The following SYT1 variants were observed in gnomAD, a reference collection of about 807,000 sequenced individuals.
SYT1 encodes synaptotagmin 1.
Under a neutral mutation model 44.8 loss-of-function variants are expected in SYT1, and 8 were observed. That is an observed-to-expected ratio of 0.18 (90% confidence interval 0.10 to 0.32). The LOEUF is 0.32. SYT1 is among the 10% of genes least tolerant of loss of function. The pLI is 1.00. For missense variants in SYT1, 286 were observed against 509.3 expected (o/e 0.56, Z 4.22); for synonymous variants, 154 against 188.8 (o/e 0.82, Z 1.51).
intron 4 of SYT1, among the ~76,000 whole-genome samples, chr12:79,267,112 A>G (rs1878176967): frequency 6.6e-6 from 1 of 152,182 alleles, no homozygotes; most frequent in Non-Finnish European, 1.5e-5. Context: ...AGGAAAAAAA[A>G]TCCTTCCAAA....
chr12:79,421,284 TAGATGAAACTTCCTCCAA>T (rs1360513420), intron 9 of SYT1, among the ~76,000 whole-genome samples: 1 of 152,180 alleles, frequency 6.6e-6, no homozygotes, highest in Non-Finnish European at 1.5e-5. Flanking sequence ...TCCATTGTGG[TAGATGAAACTTCCTCCAA>T]ATGAGATCTG....
chr12:79,234,001 C>T (rs1292932745), intron 4 of SYT1, among the ~76,000 whole-genome samples: 1 of 152,136 alleles, frequency 6.6e-6, no homozygotes, highest in African/African-American at 2.4e-5. Context: ...ATGTACAAGG[C>T]ACCCCACACA....
intron 1 of SYT1, among the ~76,000 whole-genome samples, chr12:78,876,611 A>ATACACATATGTATATACACACGTG (rs1326592694): frequency 2.2e-5 from 3 of 138,808 alleles, no homozygotes; most frequent in African/African-American, 5.3e-5. Flanking sequence ...ATGTAAATAT[A>ATACACATATGTATATACACACGTG]TACACATATG....
Position 78,963,885 on chromosome 12 carries a change from C to T in SYT1, c.-216-13914C>T, listed in dbSNP as rs1304068323. 3 of 152,102 alleles carry T rather than the reference C, an allele frequency of 2.0e-5. 1 individual carries two copies. The highest frequency in any genetic ancestry group is 4.1e-4 in the South Asian group (2 of 4,824). The allele number at this position is 152,102 out of a possible 1,614,324, so 9.4% of individuals were successfully genotyped here. On this transcript the variant is annotated intron_variant, in intron 1 of 10. Transcript: ENST00000261205. Reference sequence around the variant, plus strand: ...ATTAGCACTCCCATATTCATAGCAGCAGTATTCACAATAGCAAGATGTGGA... The same window carrying T: ...ATTAGCACTCCCATATTCATAGCAGTAGTATTCACAATAGCAAGATGTGGA...
At chr12:78,953,824 A>T (rs1036500051) in intron 1 of SYT1, among the ~76,000 whole-genome samples, 2 of 152,102 alleles carry the variant, frequency 1.3e-5, no homozygotes. Flanking sequence ...AAAGTGCATC[A>T]GATTTTTTAT....
chr12:79,389,449 A>G (rs924527607), intron 9 of SYT1, among the ~76,000 whole-genome samples: 3 of 152,234 alleles, frequency 2.0e-5, no homozygotes, highest in African/African-American at 7.2e-5. Flanking sequence ...AGCATTTAAT[A>G]TGAATCAGGC....
At chr12:79,291,896 C>T (rs1406099670) in intron 5 of SYT1, 112 bp from the exon 6 acceptor site, 1 of 1,280,362 alleles carries the variant, frequency 7.8e-7, no homozygotes, top group African/African-American at 1.5e-5. Context: ...AACAGATTTC[C>T]AGCATCTTAG....
At chr12:78,938,868 A>T (rs1185740846) in intron 1 of SYT1, among the ~76,000 whole-genome samples, 1 of 152,208 alleles carries the variant, frequency 6.6e-6, no homozygotes, top group Non-Finnish European at 1.5e-5. Flanking sequence ...ACCGATTAGC[A>T]GATTAGAAAT....
At chr12:79,073,620 A>G (rs545996678) in intron 3 of SYT1, among the ~76,000 whole-genome samples, 2 of 152,268 alleles carry the variant, frequency 1.3e-5, no homozygotes, top group South Asian at 4.1e-4. Context: ...TCCCTGAGGC[A>G]GAAGAATGGT....
intron 1 of SYT1, among the ~76,000 whole-genome samples, chr12:78,867,686 T>TA (rs1372720015): frequency 6.6e-6 from 1 of 152,012 alleles, no homozygotes; most frequent in Non-Finnish European, 1.5e-5. Context: ...TTCACAAAAA[T>TA]ACCACATGAT....
chr12:79,264,354 T>A (rs1878008658), intron 4 of SYT1, among the ~76,000 whole-genome samples: 1 of 152,116 alleles, frequency 6.6e-6, no homozygotes, highest in South Asian at 2.1e-4. Context: ...TAATTTTTTG[T>A]ATTTTTAGCA....
At chr12:79,051,335 T>G (rs1240575943) in intron 3 of SYT1, among the ~76,000 whole-genome samples, 1 of 149,980 alleles carries the variant, frequency 6.7e-6, no homozygotes, top group Non-Finnish European at 1.5e-5. Context: ...TACATATATA[T>G]GTATCTCCAC....
intron 1 of SYT1, among the ~76,000 whole-genome samples, chr12:78,962,789 CA>C (rs35392450): frequency 0.15 from 22,251 of 152,086 alleles, 1,956 homozygotes; most frequent in East Asian, 0.3. Context: ...ATGCCACAGC[CA>C]AAAATGATGT....
At chr12:79,003,297 TC>T (rs547142421) in intron 2 of SYT1, among the ~76,000 whole-genome samples, 4 of 151,806 alleles carry the variant, frequency 2.6e-5, no homozygotes, top group African/African-American at 7.2e-5. Flanking sequence ...CTAGAACTGA[TC>T]CCCCCCACCA....
intron 3 of SYT1, among the ~76,000 whole-genome samples, chr12:79,190,148 A>G (rs1873025830): frequency 6.6e-6 from 1 of 152,132 alleles, no homozygotes; most frequent in Non-Finnish European, 1.5e-5. Context: ...CATTTTTACA[A>G]TTAATATCTG....
chr12:79,197,382 G>T (rs778669754), intron 3 of SYT1, among the ~76,000 whole-genome samples: 2 of 152,038 alleles, frequency 1.3e-5, no homozygotes, highest in Non-Finnish European at 2.9e-5. Context: ...ATTCAGGGTG[G>T]GGAGGAAATT....
intron 1 of SYT1, among the ~76,000 whole-genome samples, chr12:78,921,372 A>T (rs564293889): frequency 2.0e-5 from 3 of 152,092 alleles, no homozygotes; most frequent in South Asian, 4.1e-4. Context: ...CTATATATAC[A>T]CTTAGAGTCT....
At chr12:79,092,142 AT>A in intron 3 of SYT1, among the ~76,000 whole-genome samples, 1 of 151,960 alleles carries the variant, frequency 6.6e-6, no homozygotes, top group Non-Finnish European at 1.5e-5. Flanking sequence ...AGGAAGTGAC[AT>A]TTTTTCTCAC....
chr12:79,287,761 T>G (rs1879382778), intron 5 of SYT1, among the ~76,000 whole-genome samples: 1 of 152,162 alleles, frequency 6.6e-6, no homozygotes, highest in South Asian at 2.1e-4. Flanking sequence ...TTATTACCCC[T>G]GTTATGACCT....
Sources: gnomAD v4.1 joint callset for allele counts (sites outside exome capture counted in the v4.1 genomes callset) on GRCh38, gnomAD v4.1.1 for gene constraint, MANE v1.5 for transcripts, NCBI Gene and HGNC (gene_info 2026-07-23, HGNC 2026-07-21) for gene names.